Variants in IQSEC1 observed in about 807,000 individuals in gnomAD.
IQSEC1 encodes the protein IQ motif and SEC7 domain-containing protein 1.
IQSEC1 carries 31 observed loss-of-function variants against 91.0 expected under a neutral mutation model. That is an observed-to-expected ratio of 0.34 (90% CI 0.26 to 0.46). The LOEUF (loss-of-function observed/expected upper bound fraction) is 0.46, where lower values mean the gene tolerates loss of function less well. Ranked by LOEUF, IQSEC1 falls within the 20% of genes least tolerant of loss-of-function variation. The pLI, the probability that IQSEC1 is intolerant of heterozygous loss-of-function variation, is 1.00. For synonymous variants in IQSEC1, 699 were observed against 662.6 expected (o/e 1.05, Z -0.84); for missense variants, 1,388 against 1,575.6 (o/e 0.88, Z 2.02).
intron 1 of IQSEC1, among the ~76,000 whole-genome samples, chr3:12,981,601 CAT>C (rs1482565999): frequency 6.6e-6 from 1 of 152,156 alleles, no homozygotes; most frequent in African/African-American, 2.4e-5. Flanking sequence ...TGTAAATAAA[CAT>C]GTTAGAAACA....
intron 1 of IQSEC1, among the ~76,000 whole-genome samples, chr3:13,042,794 G>A (rs1704332486): frequency 6.6e-6 from 1 of 152,174 alleles, no homozygotes; most frequent in South Asian, 2.1e-4. Context: ...CGGGTGGTGG[G>A]GCCGGCACTG....
At chr3:13,147,530 G>A (rs907109993) in intron 2 of IQSEC1, among the ~76,000 whole-genome samples, 5 of 152,182 alleles carry the variant, frequency 3.3e-5, no homozygotes, top group African/African-American at 1.2e-4. Flanking sequence ...GTATTCCATG[G>A]TGTAGACATA....
chr3:13,177,608 C>T (rs765355681), intron 1 of IQSEC1, among the ~76,000 whole-genome samples: 2 of 152,228 alleles, frequency 1.3e-5, no homozygotes, highest in African/African-American at 2.4e-5. Flanking sequence ...GGTCTCAATC[C>T]TGGATCTTTT....
chr3:13,052,997 T>A lies in IQSEC1; in HGVS notation c.23+19995A>T, dbSNP rs999102814. ...GACCCAGCTTGGTTCTTCTCCAATG[T>A]CTCCTTTTGGAGTTGTGCCTGATTT... is the stretch of plus-strand genomic sequence containing the variant. On this transcript the variant is annotated intron_variant, in intron 1 of 13. Coordinates refer to ENST00000613206, the MANE Select transcript of IQSEC1 (RefSeq NM_001134382.3). 21 of 1,204,392 alleles carry A rather than the reference T, an allele frequency of 1.7e-5. No individual in the cohort carries two copies. The African/African-American group carries it at 3.1e-4, about 18-fold the overall frequency. The allele number at this position is 1,204,392 out of a possible 1,614,324, so 74.6% of individuals were successfully genotyped here.
chr3:13,141,973 C>T (rs1034645844), intron 2 of IQSEC1, among the ~76,000 whole-genome samples: 1 of 152,212 alleles, frequency 6.6e-6, no homozygotes, highest in African/African-American at 2.4e-5. Context: ...CATCAGGCAA[C>T]CACACAGGAA....
intron 1 of IQSEC1, among the ~76,000 whole-genome samples, chr3:13,168,802 T>G (rs1468667759): frequency 1.3e-5 from 2 of 152,130 alleles, no homozygotes; most frequent in Admixed American, 6.6e-5. Flanking sequence ...TACCACCTCT[T>G]AGGACAGGCC....
At chr3:13,191,815 A>G (rs1453887134) in intron 1 of IQSEC1, among the ~76,000 whole-genome samples, 1 of 152,120 alleles carries the variant, frequency 6.6e-6, no homozygotes, top group African/African-American at 2.4e-5. Flanking sequence ...CCTTCTTTCC[A>G]TGACAGTGTT....
intron 1 of IQSEC1, among the ~76,000 whole-genome samples, chr3:13,018,653 G>C (rs920268481): frequency 6.6e-6 from 1 of 152,304 alleles, no homozygotes; most frequent in East Asian, 1.9e-4. Context: ...ACGCAGGGAG[G>C]GGAGGGGCGG....
rs145602463 is a variant in IQSEC1 at position 13,207,680 on chromosome 3, C to T, written c.273-43547G>A. Among the ~76,000 whole-genome samples, 2 of 152,340 alleles carry T rather than the reference C, an allele frequency of 1.3e-5. No homozygotes were observed. The highest frequency in any genetic ancestry group is 6.5e-5 in the Admixed American group (1 of 15,308). Reference sequence around the variant, plus strand: ...AGAGCCTCTGCACCCAGGGCTCCTTCGCCCCTCAGATTCCTGCAGGGGCTT... The same window carrying T: ...AGAGCCTCTGCACCCAGGGCTCCTTTGCCCCTCAGATTCCTGCAGGGGCTT... On this transcript the variant is annotated intron_variant, in intron 1 of 15. Transcript: ENST00000648114. This position sits in a 1 kb window ranked among gnomAD's most constrained non-coding sequence, Gnocchi z 4.8.
intron 1 of IQSEC1, among the ~76,000 whole-genome samples, chr3:12,968,946 C>T (rs1176065006): frequency 6.6e-6 from 1 of 152,198 alleles, no homozygotes; most frequent in East Asian, 1.9e-4. Context: ...AGGAGGGCAG[C>T]CCCTAAAGCC....
chr3:13,150,765 C>T (rs1224325478), intron 2 of IQSEC1, among the ~76,000 whole-genome samples: 2 of 152,230 alleles, frequency 1.3e-5, no homozygotes, highest in African/African-American at 4.8e-5. Context: ...GTTGTGGTCC[C>T]TGGCACAGCC....
chr3:13,070,693 A>G (rs940437801), intron 1 of IQSEC1, among the ~76,000 whole-genome samples: 2 of 152,332 alleles, frequency 1.3e-5, no homozygotes, highest in South Asian at 2.1e-4. Context: ...TGGTGCCAAT[A>G]GGTTTGGTGG....
chr3:12,914,164 A>G (rs1218300143), intron 8 of IQSEC1, among the ~76,000 whole-genome samples: 1 of 152,244 alleles, frequency 6.6e-6, no homozygotes, highest in Non-Finnish European at 1.5e-5. Flanking sequence ...ACTCTGTGGC[A>G]CTTGCCCTGG....
At chr3:13,278,188 T>C (rs1695725221) in intron 1 of IQSEC1, among the ~76,000 whole-genome samples, 1 of 152,116 alleles carries the variant, frequency 6.6e-6, no homozygotes, top group African/African-American at 2.4e-5. Context: ...CTCCCAGTGA[T>C]ATGACAGCAC....
Position 13,017,711 on chromosome 3 carries a change from C to T in IQSEC1, c.23+55281G>A, listed in dbSNP as rs144792322. Among the ~76,000 whole-genome samples, 18 of 152,114 alleles carry T rather than the reference C, an allele frequency of 1.2e-4. No homozygotes were observed. In the East Asian group the frequency reaches 1.5e-3, roughly 13 times the overall value. ...GAAGACTCGATGCAGGGAGAGGGGG[C>T]GGCAGTCACTAGCAGAGATGGGAAC... is the stretch of plus-strand genomic sequence containing the variant. On this transcript the variant is annotated intron_variant, in intron 1 of 13. Transcript: ENST00000613206.
Position 13,196,615 on chromosome 3 carries a change from C to T in IQSEC1, c.273-32482G>A, listed in dbSNP as rs1328367162. Among the ~76,000 whole-genome samples the T allele has an allele frequency of 2.0e-5, 3 of 152,222 alleles. No homozygotes were observed. The East Asian group carries it at 5.8e-4, about 29-fold the overall frequency. ...AGGGAGGGCTGCGTGAGCAGCCTGCCAAGTCTCCCTGCTTCTTTCCCAATG... is the reference window on the plus strand; with the variant it reads ...AGGGAGGGCTGCGTGAGCAGCCTGCTAAGTCTCCCTGCTTCTTTCCCAATG... On this transcript the variant is annotated intron_variant, in intron 1 of 15. Transcript: ENST00000648114.
chr3:13,222,452 C>A (rs754468076), intron 1 of IQSEC1, among the ~76,000 whole-genome samples: 1 of 152,136 alleles, frequency 6.6e-6, no homozygotes, highest in East Asian at 1.9e-4. Context: ...CTGTTTGAGG[C>A]CTTGCTTTCA....
intron 1 of IQSEC1, among the ~76,000 whole-genome samples, chr3:13,167,663 C>T (rs926067771): frequency 5.9e-5 from 9 of 152,192 alleles, no homozygotes; most frequent in East Asian, 3.9e-4. Flanking sequence ...GCTGTCCTCA[C>T]AAGAGCATAG....
At chr3:13,048,652 A>T (rs1704580660) in intron 1 of IQSEC1, among the ~76,000 whole-genome samples, 1 of 152,160 alleles carries the variant, frequency 6.6e-6, no homozygotes, top group Non-Finnish European at 1.5e-5. Flanking sequence ...GCCCTGCTGG[A>T]CACACCCCTG....
Sources: gnomAD v4.1 joint callset for allele counts (sites outside exome capture counted in the v4.1 genomes callset) on GRCh38, gnomAD v4.1.1 for gene constraint, Gnocchi (gnomAD v3.1) non-coding constraint, MANE v1.5 for transcripts, NCBI Gene and HGNC (gene_info 2026-07-23, HGNC 2026-07-21) for gene names.